The following NRG1 variants were observed in gnomAD, a reference collection of about 807,000 sequenced individuals.
The protein encoded by NRG1 is pro-neuregulin-1, membrane-bound isoform.
NRG1 carries 18 observed loss-of-function variants against 63.8 expected under a neutral mutation model. That is an observed-to-expected ratio of 0.28 (90% CI 0.19 to 0.42). NRG1 has a LOEUF of 0.42. Among genes scored for constraint, NRG1 ranks in the 10% least tolerant of loss-of-function variants. NRG1 has a pLI of 1.00. For synonymous variants in NRG1, 302 were observed against 301.3 expected, an observed-to-expected ratio of 1.00 and a Z score of -0.02; for missense variants, 762 against 814.7, an observed-to-expected ratio of 0.94 and a Z score of 0.79.
chr8:32,731,059 A>T (rs1823530383), intron 6 of NRG1, among the ~76,000 whole-genome samples: 1 of 152,172 alleles, frequency 6.6e-6, no homozygotes. Context: ...AAGCTGAGTG[A>T]GTGCATATGA....
intron 1 of NRG1, among the ~76,000 whole-genome samples, chr8:32,382,049 T>C (rs533079756): frequency 6.6e-6 from 1 of 152,170 alleles, no homozygotes; most frequent in Non-Finnish European, 1.5e-5. Flanking sequence ...GTAATAACAA[T>C]AAATTCACTA....
chr8:32,216,272 C>A (rs1397525616), intron 1 of NRG1, among the ~76,000 whole-genome samples: 1 of 150,140 alleles, frequency 6.7e-6, no homozygotes, highest in Non-Finnish European at 1.5e-5. Context: ...AAGACAAACT[C>A]TTTTAGTTGG....
At chr8:32,407,127 G>T (rs925563458) in intron 1 of NRG1, among the ~76,000 whole-genome samples, 3 of 151,486 alleles carry the variant, frequency 2.0e-5, no homozygotes, top group African/African-American at 7.3e-5. Context: ...TCATAGAAAT[G>T]CTTAAAATTT....
chr8:32,510,267 CAGA>C (rs1354094817), intron 1 of NRG1, among the ~76,000 whole-genome samples: 3 of 151,662 alleles, frequency 2.0e-5, no homozygotes, highest in Admixed American at 1.3e-4. Context: ...GAGGCTGAGG[CAGA>C]AGGACTGCTT....
rs186954153 is a variant in NRG1, at chr8:32,265,533, A to T, written c.38-330295A>T. ...CAAAAATATTCAGAAAAAAAAATTT[A>T]AAAATACAATAAAAACTAATGTAGG... On this transcript the variant is annotated intron_variant, in intron 1 of 10. Transcript: ENST00000519301. 7.7e-3 allele frequency among the ~76,000 whole-genome samples: 1,171 copies of T among 152,242 alleles called. 16 individuals are homozygous for T. Among genetic ancestry groups the T allele is most frequent in the African/African-American group, 0.021 (870 of 41,550 alleles).
At chr8:32,299,134 C>A (rs76092347) in intron 1 of NRG1, among the ~76,000 whole-genome samples, 434 of 151,296 alleles carry the variant, frequency 2.9e-3, no homozygotes, top group African/African-American at 1.0e-2. Flanking sequence ...CAAGGGAAAT[C>A]ATCATTTGGG....
At chr8:32,281,649 A>C (rs147302102) in intron 1 of NRG1, among the ~76,000 whole-genome samples, 2,075 of 152,218 alleles carry the variant, frequency 0.014, 90 homozygotes, top group Admixed American at 0.08. Flanking sequence ...TCGTTTAGAC[A>C]TGGCCCCTCC....
At chr8:31,915,307 A>T (rs551624030) in intron 1 of NRG1, among the ~76,000 whole-genome samples, 1 of 152,246 alleles carries the variant, frequency 6.6e-6, no homozygotes, top group Admixed American at 6.6e-5. Flanking sequence ...AAGACCATAA[A>T]TTACGATGGC....
At chr8:32,088,980 A>G (rs887752590) in intron 1 of NRG1, among the ~76,000 whole-genome samples, 3 of 152,270 alleles carry the variant, frequency 2.0e-5, no homozygotes, top group Non-Finnish European at 4.4e-5. Flanking sequence ...CCTCCCACAC[A>G]TGGCCTATTT....
At chr8:32,408,305 T>A (rs553947974) in intron 1 of NRG1, among the ~76,000 whole-genome samples, 1 of 152,344 alleles carries the variant, frequency 6.6e-6, no homozygotes, top group Admixed American at 6.5e-5. Context: ...CTCTTTGCCC[T>A]GTTCCCTCAG....
At chr8:32,364,874 C>A (rs149483720) in intron 1 of NRG1, among the ~76,000 whole-genome samples, 1 of 151,556 alleles carries the variant, frequency 6.6e-6, no homozygotes, top group African/African-American at 2.4e-5. Flanking sequence ...ATCTGATAGT[C>A]CTGTCAGTTA....
intron 5 of NRG1, among the ~76,000 whole-genome samples, chr8:32,629,915 A>G (rs985079098): frequency 6.6e-6 from 1 of 152,192 alleles, no homozygotes; most frequent in African/African-American, 2.4e-5. Context: ...CTTTAATAAT[A>G]ATAATAGATG....
At chr8:32,110,145 A>G (rs952407852) in intron 1 of NRG1, among the ~76,000 whole-genome samples, 1 of 152,248 alleles carries the variant, frequency 6.6e-6, no homozygotes, top group Non-Finnish European at 1.5e-5. Flanking sequence ...GCTAGAAATC[A>G]TTAAGAGTGT....
chr8:32,491,703 T>C (rs542288665), intron 1 of NRG1, among the ~76,000 whole-genome samples: 2 of 152,374 alleles, frequency 1.3e-5, no homozygotes, highest in African/African-American at 4.8e-5. Flanking sequence ...CTGGGAATTA[T>C]AATGTATTCA....
intron 1 of NRG1, among the ~76,000 whole-genome samples, chr8:31,831,107 CT>C (rs535337906): frequency 1.2e-3 from 170 of 145,672 alleles, no homozygotes; most frequent in Admixed American, 1.0e-3. Flanking sequence ...CCTCTTTCTT[CT>C]TTTTTTTTTT....
rs1033338430 is a variant in NRG1, at chr8:31,763,960, C to G, written c.37+124529C>G. On this transcript the variant is annotated intron_variant, in intron 1 of 10. Transcript: ENST00000519301. ...GCAAGAGCTTGCAGTGAGCCAAGAT[C>G]GCGCCACCACACTCCAGCCTGGGTG... Among the ~76,000 whole-genome samples the G allele has an allele frequency of 2.1e-5, 3 of 145,194 alleles. No homozygotes were observed. The South Asian group carries it at 6.7e-4, about 33-fold the overall frequency.
chr8:32,197,448 G>T (rs1843074235), intron 1 of NRG1, among the ~76,000 whole-genome samples: 1 of 152,158 alleles, frequency 6.6e-6, no homozygotes, highest in Admixed American at 6.5e-5. Context: ...ATTCATCATT[G>T]CTGCCTACAC....
At chr8:32,429,539 C>T (rs1209792822) in intron 1 of NRG1, among the ~76,000 whole-genome samples, 1 of 152,160 alleles carries the variant, frequency 6.6e-6, no homozygotes. Flanking sequence ...ATTGTTAGAA[C>T]ATGACTTGGA....
chr8:32,771,706 T>TAAAAAAAAA (rs36131405), downstream of NRG1, among the ~76,000 whole-genome samples: 166 of 80,220 alleles, frequency 2.1e-3, 1 homozygote, highest in South Asian at 6.6e-3. Context: ...TCCATTTCTT[T>TAAAAAAAAA]AAAAAAAAAA....
Sources: allele counts gnomAD v4.1 joint callset (sites outside exome capture counted in the v4.1 genomes callset), GRCh38; gene constraint gnomAD v4.1.1; transcripts MANE v1.5; gene names NCBI Gene and HGNC (gene_info 2026-07-23, HGNC 2026-07-21).